SCAPER: variants seen among roughly 807,000 people sequenced by gnomAD.
The protein encoded by SCAPER is S phase cyclin A-associated protein in the endoplasmic reticulum.
SCAPER carries 98 observed loss-of-function variants against 182.2 expected under a neutral mutation model. The ratio of observed to expected loss-of-function variants is 0.54; its 90% CI spans 0.46 to 0.64. The LOEUF (loss-of-function observed/expected upper bound fraction) is 0.64, where lower values mean the gene tolerates loss of function less well. Ranked by LOEUF, SCAPER falls within the 30% of genes least tolerant of loss-of-function variation. The pLI is 0.00. For synonymous variants in SCAPER, 605 were observed against 564.6 expected, an observed-to-expected ratio of 1.07 and a Z score of -1.01; for missense variants, 1,432 against 1,690.0, an observed-to-expected ratio of 0.85 and a Z score of 2.68.
At chr15:76,495,992 AGACACACACACACACAC>A (rs2143543355) in intron 24 of SCAPER, among the ~76,000 whole-genome samples, 1 of 11,672 alleles carries the variant, frequency 8.6e-5, no homozygotes, top group East Asian at 0.05. Context: ...CAAAAGAGAG[AGACACACACACACACAC>A]ACACACACAC....
intron 21 of SCAPER, among the ~76,000 whole-genome samples, chr15:76,646,825 T>C (rs774537024): frequency 6.6e-6 from 1 of 152,226 alleles, no homozygotes; most frequent in Non-Finnish European, 1.5e-5. Context: ...ATGCTAGTTC[T>C]GGCTTTGCCT....
intron 5 of SCAPER, among the ~76,000 whole-genome samples, chr15:76,819,764 C>T (rs1433548760): frequency 2.0e-5 from 3 of 152,118 alleles, no homozygotes; most frequent in Non-Finnish European, 4.4e-5. Context: ...GAGAGGAAGG[C>T]TTTTGCACAG....
chr15:76,809,844 T>A (rs778159570), intron 5 of SCAPER, among the ~76,000 whole-genome samples: 1 of 152,180 alleles, frequency 6.6e-6, no homozygotes, highest in African/African-American at 2.4e-5. Flanking sequence ...GACAGACTTA[T>A]GAAGACAGTA....
intron 18 of SCAPER, among the ~76,000 whole-genome samples, chr15:76,705,678 G>A (rs1434937712): frequency 6.6e-6 from 1 of 151,662 alleles, no homozygotes; most frequent in Non-Finnish European, 1.5e-5. Flanking sequence ...AAAAAAACAG[G>A]AAATGTTAAA....
intron 17 of SCAPER, among the ~76,000 whole-genome samples, chr15:76,710,464 T>G (rs1438844467): frequency 6.6e-6 from 1 of 152,066 alleles, no homozygotes; most frequent in Non-Finnish European, 1.5e-5. Flanking sequence ...TGAAATAAAT[T>G]AAAATCTACT....
rs376048172 is a variant in SCAPER, at chr15:76,665,704, C to T, written c.2594G>A (p.Arg865Gln). 1.1e-5 allele frequency: 18 copies of T among 1,570,014 alleles called. No homozygotes were observed. Among genetic ancestry groups the T allele is most frequent in the African/African-American group, 4.1e-5 (3 of 73,714 alleles). Residue 865 changes from arginine (R) to glutamine (Q), a missense_variant, in exon 21 of 32, where the codon CGG becomes CAG. Physicochemically the swap from Arg to Gln is conservative, Grantham distance 43. Coordinates refer to ENST00000563290, the MANE Select transcript of SCAPER (RefSeq NM_020843.4). Reference protein sequence around the residue: ...PAEALKDGEERQKNKKKAKKI... With the variant: ...PAEALKDGEEQQKNKKKAKKI... The stretch of plus-strand genomic sequence containing the variant: ...TTTGGCTTTTTTTTTATTTTTTTGC[C>T]GCTCTTCTCCATCTTTCAAAGCTTC...
At chr15:76,412,895 A>G (rs1567085733) in intron 26 of SCAPER, among the ~76,000 whole-genome samples, 1 of 152,060 alleles carries the variant, frequency 6.6e-6, no homozygotes, top group South Asian at 2.1e-4. Context: ...CCGTTTATTT[A>G]GGTCTTTAAT....
intron 20 of SCAPER, among the ~76,000 whole-genome samples, chr15:76,684,032 A>G (rs948815402): frequency 6.6e-6 from 1 of 152,216 alleles, no homozygotes; most frequent in Admixed American, 6.5e-5. Flanking sequence ...GGAATTCATT[A>G]CCACAGACCT....
At position 76,683,820 on chromosome 15, in the gene SCAPER, T is replaced by C. The variant is rs370808921; in HGVS notation, c.2508+17938A>G. On this transcript the variant is annotated intron_variant, in intron 20 of 31. Coordinates refer to ENST00000563290, the MANE Select transcript of SCAPER (RefSeq NM_020843.4). ...CAACCAAGAATTTCATATTGCAGAGTTGGGCGGGGTGGCTCACACCTATAA... is the reference window on the plus strand; with the variant it reads ...CAACCAAGAATTTCATATTGCAGAGCTGGGCGGGGTGGCTCACACCTATAA... 2.4e-3 allele frequency among the ~76,000 whole-genome samples: 354 copies of C among 150,254 alleles called. 2 individuals carry two copies. The highest frequency in any genetic ancestry group is 8.2e-3 in the African/African-American group (336 of 40,942).
chr15:76,896,127 T>A (rs1002925365), intron 1 of SCAPER, among the ~76,000 whole-genome samples: 2 of 151,940 alleles, frequency 1.3e-5, no homozygotes, highest in African/African-American at 4.8e-5. Context: ...CCCAGCACTT[T>A]GGGAGGCCAA....
chr15:76,422,650 C>T (rs2046125825), intron 26 of SCAPER, among the ~76,000 whole-genome samples: 1 of 152,140 alleles, frequency 6.6e-6, no homozygotes, highest in Non-Finnish European at 1.5e-5. Context: ...GAACTTCCAA[C>T]ACTATGTTGA....
At chr15:76,514,513 G>A (rs755357326) in intron 23 of SCAPER, among the ~76,000 whole-genome samples, 8 of 152,182 alleles carry the variant, frequency 5.3e-5, no homozygotes, top group East Asian at 1.9e-4. Flanking sequence ...AAAGGCTAGT[G>A]GCCTTTGTAC....
intron 24 of SCAPER, among the ~76,000 whole-genome samples, chr15:76,495,559 C>G (rs67263359): frequency 0.44 from 56,066 of 127,456 alleles, 13,152 homozygotes; most frequent in Middle Eastern, 0.66. Flanking sequence ...GCCTGGGCAA[C>G]AGAGCAAGAC....
At chr15:76,730,783 C>A (rs2060878923) in intron 16 of SCAPER, among the ~76,000 whole-genome samples, 1 of 152,070 alleles carries the variant, frequency 6.6e-6, no homozygotes, top group African/African-American at 2.4e-5. Context: ...CTAAACTGAT[C>A]TTATAAAATA....
rs143355423 is a variant in SCAPER at position 76,832,637 on chromosome 15, A to T, written c.393+9097T>A. 2.6e-4 allele frequency among the ~76,000 whole-genome samples: 40 copies of T among 152,252 alleles called. No homozygotes were observed. The East Asian group carries it at 7.3e-3, about 28-fold the overall frequency. On this transcript the variant is annotated intron_variant, in intron 5 of 31. Coordinates refer to ENST00000563290, the MANE Select transcript of SCAPER (RefSeq NM_020843.4). ...CCCCAGTGCTGGAGGGCCTAGTGGGAGGTGACTGAATCATGAGGGTGAATC... is the reference window on the plus strand; with the variant it reads ...CCCCAGTGCTGGAGGGCCTAGTGGGTGGTGACTGAATCATGAGGGTGAATC...
chr15:76,448,874 G>A (rs905308729), intron 25 of SCAPER, among the ~76,000 whole-genome samples: 7 of 152,162 alleles, frequency 4.6e-5, no homozygotes, highest in African/African-American at 1.7e-4. Flanking sequence ...TCTTTAAGAG[G>A]TTTGGTTGTG....
chr15:76,456,634 CAT>C (rs906080855), intron 25 of SCAPER, among the ~76,000 whole-genome samples: 1 of 152,152 alleles, frequency 6.6e-6, no homozygotes, highest in African/African-American at 2.4e-5. Flanking sequence ...TTGTTCATAT[CAT>C]GTATATTTTT....
At chr15:76,514,614 CTGTT>C (rs141027817) in intron 23 of SCAPER, among the ~76,000 whole-genome samples, 191 of 152,246 alleles carry the variant, frequency 1.3e-3, no homozygotes, top group Admixed American at 2.7e-3. Flanking sequence ...ATGGGGAAAA[CTGTT>C]TGCGTGTTCA....
intron 30 of SCAPER, 92 bp from the exon 31 acceptor site, chr15:76,351,380 C>T (rs2040536084): frequency 1.8e-6 from 2 of 1,096,658 alleles, no homozygotes; most frequent in Admixed American, 2.7e-5. Flanking sequence ...ATTCATGCAA[C>T]CACTTTTGTA....
Sources: gnomAD v4.1 joint callset for allele counts (sites outside exome capture counted in the v4.1 genomes callset) on GRCh38, gnomAD v4.1.1 for gene constraint, MANE v1.5 for transcripts, NCBI Gene and HGNC (gene_info 2026-07-23, HGNC 2026-07-21) for gene names.